The following MYO1A variants were observed in gnomAD, a reference collection of about 807,000 sequenced individuals.
MYO1A encodes the protein unconventional myosin-Ia.
In MYO1A, 127 loss-of-function variants were observed where a neutral mutation model predicts 138.5. The ratio of observed to expected loss-of-function variants is 0.92; its 90% CI spans 0.79 to 1.06. The LOEUF is 1.06. Ranked by LOEUF, MYO1A falls within the 50% of genes least tolerant of loss-of-function variation. The pLI is 0.00. For synonymous variants in MYO1A, 477 were observed against 497.5 expected (o/e 0.96, Z 0.55); for missense variants, 1,211 against 1,288.8 (o/e 0.94, Z 0.92).
At position 57,030,240 on chromosome 12, in the gene MYO1A, A is replaced by G. The variant is rs769281219; in HGVS notation, c.2561T>C (p.Phe854Ser). 1.2e-6 allele frequency: 2 copies of G among 1,614,192 alleles called. No individual in the cohort carries two copies. Among genetic ancestry groups the G allele is most frequent in the Non-Finnish European group, 1.7e-6 (2 of 1,180,030 alleles). Residue 854 changes from phenylalanine to serine, a missense_variant, in exon 24 of 28, where the codon TTC (phenylalanine) becomes TCC (serine). By Grantham distance (155) the Phe-to-Ser change is radical. Coordinates refer to ENST00000300119, the MANE Select transcript of MYO1A (RefSeq NM_005379.4). ...LREKLCASEL[F>S]KGKKASYPQS... ...GGGATATGAAGCCTTCTTGCCCTTG[A>G]ACAGTTCACTGGCACAGAGCTTTTC...
chr12:57,028,851 C>T lies in MYO1A; in HGVS notation c.3036G>A (p.Val1012=), dbSNP rs2030110082. The T allele has an allele frequency of 6.2e-7, 1 of 1,613,960 alleles. No individual in the cohort carries two copies. The highest frequency in any genetic ancestry group is 1.3e-5 in the African/African-American group (1 of 74,876). Reference sequence around the variant, plus strand: ...CAGGGCCCTGGACGACCTTGACAGCCACACTGTTCTCCTTGAACCTCACTG... The same window carrying T: ...CAGGGCCCTGGACGACCTTGACAGCTACACTGTTCTCCTTGAACCTCACTG... ...KFSVRFKENS[V]AVKVVQGPAG... is the part of the protein sequence containing the mutation. The change falls in exon 28 of 28, where the codon GTG becomes GTA. Residue 1012 remains valine, a synonymous_variant. Coordinates refer to ENST00000300119, the MANE Select transcript of MYO1A (RefSeq NM_005379.4).
intron 18 of MYO1A, 88 bp from the exon 19 acceptor site, chr12:57,037,729 G>T: frequency 6.6e-7 from 1 of 1,506,810 alleles, no homozygotes. Context: ...CAGCCTCCAA[G>T]AAGTGATCAT....
At position 57,047,667 on chromosome 12, in the gene MYO1A, C is replaced by T. The variant is rs766289728; in HGVS notation, c.285G>A (p.Gln95=). ...CACTCTCGCCTGTGATGAGGATACACTGGTCTCGGTCCCTGTCCCTCAGTG... is the reference window on the plus strand; with the variant it reads ...CACTCTCGCCTGTGATGAGGATACATTGGTCTCGGTCCCTGTCCCTCAGTG... ...YQSLRDRDRD[Q]CILITGESGS... is the part of the protein sequence containing the mutation. Residue 95 remains glutamine (Q), a synonymous_variant, in exon 4 of 28, where the codon CAG becomes CAA. Transcript: ENST00000300119. 2.5e-6 allele frequency: 4 copies of T among 1,614,234 alleles called. No individual in the cohort carries two copies. The South Asian group carries it at 3.3e-5, about 13-fold the overall frequency.
In MYO1A at chr12:57,046,913, T is replaced by G. The variant is rs1326764173; in HGVS notation, c.491A>C (p.Asp164Ala). The change falls in exon 7 of 28, where the codon GAT becomes GCT. Residue 164 changes from aspartate (D) to alanine (A), a missense_variant. Physicochemically the swap from Asp to Ala is moderately radical, Grantham distance 126. Transcript: ENST00000300119. ...NNSSRFGKYM[D>A]IEFDFKGSPL... is the part of the protein sequence containing the mutation. ...GGATCCCTTGAAGTCAAATTCAATA[T>G]CCATGTATTTTCCCTTCAGAGAGAG... The G allele has an allele frequency of 6.2e-7, 1 of 1,614,000 alleles. No individual in the cohort carries two copies. The highest frequency in any genetic ancestry group is 2.2e-5 in the East Asian group (1 of 44,886).
intron 24 of MYO1A, 162 bp downstream of exon 24, chr12:57,030,048 A>G (rs544801109): frequency 1.5e-6 from 2 of 1,311,870 alleles, no homozygotes; most frequent in African/African-American, 2.9e-5. Context: ...GTTGTTAGAA[A>G]GGCAAATTTT....
Position 57,048,296 on chromosome 12 carries a change from C to T in MYO1A, c.28G>A (p.Val10Met), listed in dbSNP as rs866979233. ...GGTTCCAGGAGGACAAGATCCTCCA[C>T]CCCCACAGAACCTTCCAGGAGAGGC... MPLLEGSVG[V>M]EDLVLLEPLV... is the part of the protein sequence containing the mutation. Residue 10 changes from valine to methionine, a missense_variant, in exon 2 of 28, where the codon GTG (valine) becomes ATG (methionine). By Grantham distance (21) the Val-to-Met change is conservative. Coordinates refer to ENST00000300119, the MANE Select transcript of MYO1A (RefSeq NM_005379.4). 1.2e-6 allele frequency: 2 copies of T among 1,613,960 alleles called. No individual in the cohort carries two copies. Among genetic ancestry groups the T allele is most frequent in the Non-Finnish European group, 1.7e-6 (2 of 1,179,826 alleles).
intron 27 of MYO1A, 87 bp downstream of exon 27, chr12:57,029,045 A>G (rs1592467208): frequency 1.9e-6 from 3 of 1,611,996 alleles, no homozygotes; most frequent in South Asian, 1.1e-5. Flanking sequence ...ACTGCCCTAC[A>G]TGCTTCGCTT....
At position 57,038,084 on chromosome 12, in the gene MYO1A, G is replaced by A. The variant is rs1276139196; in HGVS notation, c.1761-15C>T. 2.5e-6 allele frequency: 4 copies of A among 1,613,352 alleles called. No individual in the cohort carries two copies. In the African/African-American group the frequency reaches 4.0e-5, roughly 16 times the overall value. On this transcript the variant is annotated splice_polypyrimidine_tract_variant and intron_variant, in intron 17 of 27. Coordinates refer to ENST00000300119, the MANE Select transcript of MYO1A (RefSeq NM_005379.4). The stretch of plus-strand genomic sequence containing the variant: ...GCTTTATGCACCTGGTGGGAGGTGG[G>A]GTAAGGCACAGCCTTCAGGAGCTGA...
chr12:57,031,060 G>C lies in MYO1A; in HGVS notation c.2464C>G (p.Gln822Glu). 1 of 1,614,092 alleles carries C rather than the reference G, an allele frequency of 6.2e-7. No individual in the cohort carries two copies. Among genetic ancestry groups the C allele is most frequent in the Non-Finnish European group, 8.5e-7 (1 of 1,180,014 alleles). ...CLSTANQELQ[Q>E]LFYQWKCKRF... ...CTTGCCTTCCACTGGTAGAAGAGCT[G>C]CTGCAGCTCCTGATTTGCTGTGCTG... is the stretch of plus-strand genomic sequence containing the variant. Residue 822 changes from glutamine to glutamate, a missense_variant, in exon 23 of 28, where the codon CAG becomes GAG. By Grantham distance (29) the Gln-to-Glu change is conservative. Transcript: ENST00000300119.
Position 57,044,132 on chromosome 12 carries a change from C to A in MYO1A, c.718G>T (p.Asp240Tyr), listed in dbSNP as rs775862921. Residue 240 changes from aspartate to tyrosine, a missense_variant, in exon 9 of 28, where the codon GAC (aspartate) becomes TAC (tyrosine). Asp to Tyr is a radical substitution (Grantham distance 160). Coordinates refer to ENST00000300119, the MANE Select transcript of MYO1A (RefSeq NM_005379.4). ...HEVSRVDGMD[D>Y]ASSFRAVQSA... ...TGTACAGCCCTGAAGCTGGAGGCGTCGTCCATGCCATCCACTCTGGATACT... is the reference window on the plus strand; with the variant it reads ...TGTACAGCCCTGAAGCTGGAGGCGTAGTCCATGCCATCCACTCTGGATACT... The A allele has an allele frequency of 1.9e-6, 3 of 1,614,136 alleles. No homozygotes were observed. Among genetic ancestry groups the A allele is most frequent in the Non-Finnish European group, 2.5e-6 (3 of 1,180,028 alleles).
chr12:57,038,081 T>C lies in MYO1A; in HGVS notation c.1761-12A>G. ...TGGGCTTTATGCACCTGGTGGGAGG[T>C]GGGGTAAGGCACAGCCTTCAGGAGC... On this transcript the variant is annotated splice_polypyrimidine_tract_variant and intron_variant, in intron 17 of 27. Coordinates refer to ENST00000300119, the MANE Select transcript of MYO1A (RefSeq NM_005379.4). 6.2e-7 allele frequency: 1 copy of C among 1,613,470 alleles called. No individual in the cohort carries two copies. The highest frequency in any genetic ancestry group is 8.5e-7 in the Non-Finnish European group (1 of 1,179,948).
chr12:57,045,899 A>G (rs1592483189), intron 8 of MYO1A, among the ~76,000 whole-genome samples: 1 of 152,190 alleles, frequency 6.6e-6, no homozygotes, highest in Non-Finnish European at 1.5e-5. Context: ...CGATCACACA[A>G]TATTACAATG....
intron 14 of MYO1A, among the ~76,000 whole-genome samples, chr12:57,040,471 T>C (rs534577879): frequency 6.6e-6 from 1 of 152,236 alleles, no homozygotes; most frequent in Non-Finnish European, 1.5e-5. Flanking sequence ...TTTCCTTATA[T>C]ACTTTCTAAG....
Position 57,047,728 on chromosome 12 carries a change from G to A in MYO1A, c.231-7C>T. ...CACATTTGCCAATGCGTAGCTTGTG[G>A]GGAGGAAGTGGGCAATGACTATTGT... is the stretch of plus-strand genomic sequence containing the variant. On this transcript the variant is annotated splice_polypyrimidine_tract_variant and splice_region_variant and intron_variant, in intron 3 of 27. Coordinates refer to ENST00000300119, the MANE Select transcript of MYO1A (RefSeq NM_005379.4). 7.4e-6 allele frequency: 12 copies of A among 1,613,888 alleles called. No individual in the cohort carries two copies. The highest frequency in any genetic ancestry group is 1.0e-5 in the Non-Finnish European group (12 of 1,179,814).
Position 57,031,117 on chromosome 12 carries a change from T to C in MYO1A, c.2407A>G (p.Lys803Glu), listed in dbSNP as rs2030260592. 5.0e-6 allele frequency: 8 copies of C among 1,614,072 alleles called. No homozygotes were observed. The highest frequency in any genetic ancestry group is 6.8e-6 in the Non-Finnish European group (8 of 1,180,032). ...TTGTAGGGGGCGGCTGGCCATGTCT[T>C]GTCTAAGACGTTTGTGGATGGCAAA... ...NNLPSTNVLD[K>E]TWPAAPYKCL... is the part of the protein sequence containing the mutation. The change falls in exon 23 of 28, where the codon AAG becomes GAG. Residue 803 changes from lysine to glutamate, a missense_variant. Transcript: ENST00000300119.
chr12:57,046,526 G>C lies in MYO1A; in HGVS notation c.640+26C>G, dbSNP rs920708852. 7 of 1,584,978 alleles carry C rather than the reference G, an allele frequency of 4.4e-6. No homozygotes were observed. The African/African-American group carries it at 9.4e-5, about 21-fold the overall frequency. On this transcript the variant is annotated intron_variant, in intron 8 of 27. Coordinates refer to ENST00000300119, the MANE Select transcript of MYO1A (RefSeq NM_005379.4). Reference sequence around the variant, plus strand: ...GACTTTGCCATGTGTCACTCATGAGGACACTTTCCCCATGCAGGCACATAC... The same window carrying C: ...GACTTTGCCATGTGTCACTCATGAGCACACTTTCCCCATGCAGGCACATAC...
chr12:57,031,048 G>A lies in MYO1A; in HGVS notation c.2476C>T (p.Gln826Ter). 1.2e-6 allele frequency: 2 copies of A among 1,613,910 alleles called. No homozygotes were observed. The highest frequency in any genetic ancestry group is 1.7e-6 in the Non-Finnish European group (2 of 1,179,972). Residue 826 changes from glutamine (Q) to a stop codon, truncating the protein, a stop_gained, in exon 23 of 28, where the codon CAG becomes TAG. Transcript: ENST00000300119. LOFTEE classifies it high-confidence loss of function. The stretch of plus-strand genomic sequence containing the variant: ...GCCTGGGCTCCACTTGCCTTCCACT[G>A]GTAGAAGAGCTGCTGCAGCTCCTGA... ...ANQELQQLFY[Q>*]WKCKRFRDQL... is the part of the protein sequence containing the mutation.
Position 57,037,590 on chromosome 12 carries a change from C to T in MYO1A, c.2013G>A (p.Leu671=). 1 of 1,614,130 alleles carries T rather than the reference C, an allele frequency of 6.2e-7. No individual in the cohort carries two copies. Among genetic ancestry groups the T allele is most frequent in the Non-Finnish European group, 8.5e-7 (1 of 1,180,030 alleles). ...LGELSMSSGE[L]AFGKTKIFIR... The stretch of plus-strand genomic sequence containing the variant: ...TGAAGATCTTTGTCTTGCCAAAGGC[C>T]AGCTCCCCCGAGGACATGCTCAGCT... The change falls in exon 19 of 28, where the codon CTG becomes CTA. Residue 671 remains leucine (L), a synonymous_variant. Transcript: ENST00000300119.
chr12:57,037,415 C>T (rs964779940), intron 19 of MYO1A, 133 bp downstream of exon 19: 8 of 899,698 alleles, frequency 8.9e-6, no homozygotes, highest in African/African-American at 1.6e-5. Flanking sequence ...ACGGTTCCTG[C>T]AGACAGGAAG....
Sources: gnomAD v4.1 joint callset for allele counts (sites outside exome capture counted in the v4.1 genomes callset) on GRCh38, gnomAD v4.1.1 for gene constraint, MANE v1.5 for transcripts, NCBI Gene and HGNC (gene_info 2026-07-23, HGNC 2026-07-21) for gene names.